The following CUX2 variants were observed in gnomAD, a reference collection of about 807,000 sequenced individuals.
CUX2 encodes cut like homeobox 2.
A neutral mutation model predicts 144.8 loss-of-function variants in CUX2; 40 were observed. That is an observed-to-expected ratio of 0.28 (90% confidence interval 0.21 to 0.36). CUX2 has a LOEUF of 0.36. Ranked by LOEUF, CUX2 falls within the 10% of genes least tolerant of loss-of-function variation. CUX2 has a pLI of 1.00. For missense variants in CUX2, 1,615 were observed against 1,994.0 expected, an observed-to-expected ratio of 0.81 and a Z score of 3.62; for synonymous variants, 827 against 875.6, an observed-to-expected ratio of 0.94 and a Z score of 0.98.
chr12:111,251,119 T>TA (rs887277481), intron 3 of CUX2, among the ~76,000 whole-genome samples: 11 of 152,126 alleles, frequency 7.2e-5, no homozygotes, highest in Non-Finnish European at 1.0e-4. Flanking sequence ...GATTTACTGC[T>TA]AAAAAAAGCC....
rs754093380 is a variant in CUX2, at chr12:111,304,168, G to A, written c.754-42G>A. The A allele has an allele frequency of 3.3e-6, 5 of 1,521,096 alleles. No homozygotes were observed. The highest frequency in any genetic ancestry group is 4.6e-5 in the East Asian group (2 of 43,932). 94.2% of individuals were successfully genotyped at this position (1,521,096 alleles called of 1,614,324 possible). A position where few individuals can be genotyped will look rare whatever the true frequency, so the allele number is the denominator to read the frequency against. ...AGTGCAGGGAGAAGGTGGAAGTGCAGAGTGGGCTCACCTCTCGCCCACACT... is the reference window on the plus strand; with the variant it reads ...AGTGCAGGGAGAAGGTGGAAGTGCAAAGTGGGCTCACCTCTCGCCCACACT... On this transcript the variant is annotated intron_variant, in intron 9 of 21. Coordinates refer to ENST00000261726, the MANE Select transcript of CUX2 (RefSeq NM_015267.4). The surrounding 1 kb of genome is among the most constrained non-coding windows in gnomAD (Gnocchi z 4.7).
rs555152602 is a variant in CUX2, at chr12:111,103,760, G to A, written c.63+69520G>A. On this transcript the variant is annotated intron_variant, in intron 1 of 21. Coordinates refer to ENST00000261726, the MANE Select transcript of CUX2 (RefSeq NM_015267.4). Reference sequence around the variant, plus strand: ...TTTATTGGCTCATGTGACCTGAAACGGTCAGGTGTCTGCCTTCAGGCATGG... The same window carrying A: ...TTTATTGGCTCATGTGACCTGAAACAGTCAGGTGTCTGCCTTCAGGCATGG... Among the ~76,000 whole-genome samples the A allele has an allele frequency of 6.6e-5, 10 of 152,240 alleles. No homozygotes were observed. The East Asian group carries it at 1.5e-3, about 24-fold the overall frequency.
chr12:111,270,849 A>G (rs1565883849), intron 4 of CUX2, among the ~76,000 whole-genome samples: 3 of 152,120 alleles, frequency 2.0e-5, no homozygotes, highest in Non-Finnish European at 4.4e-5. Flanking sequence ...GAAGGTGCTC[A>G]GTGCCCAGGC....
intron 1 of CUX2, among the ~76,000 whole-genome samples, chr12:111,097,323 A>C (rs1872879780): frequency 6.6e-6 from 1 of 152,032 alleles, no homozygotes; most frequent in African/African-American, 2.4e-5. Context: ...CCCATCTCCC[A>C]CTGCTTCCTG....
In CUX2 at chr12:111,295,698, G is replaced by A. The variant is rs1194532836; in HGVS notation, c.637+289G>A. On this transcript the variant is annotated intron_variant, in intron 7 of 21. Transcript: ENST00000261726. The surrounding 1 kb of genome is among the most constrained non-coding windows in gnomAD (Gnocchi z 5.0). ...TTTGGGAGGCTGAAGTGGGAGGGTC[G>A]CTTGAACCCCAGAGTTTGAGACCAG... Among the ~76,000 whole-genome samples, 14 of 151,916 alleles carry A rather than the reference G, an allele frequency of 9.2e-5. No individual in the cohort carries two copies. The highest frequency in any genetic ancestry group is 8.5e-4 in the Admixed American group (13 of 15,242).
intron 1 of CUX2, among the ~76,000 whole-genome samples, chr12:111,080,966 A>C (rs1871853400): frequency 6.6e-6 from 1 of 152,208 alleles, no homozygotes; most frequent in Admixed American, 6.5e-5. Flanking sequence ...TGATAGAGTT[A>C]TTGTGAAGTC....
At position 111,310,150 on chromosome 12, in the gene CUX2, TCCCAGCCCCGGGCAGCCCCTGCTGGGC is replaced by T; in HGVS notation, c.1375_1401del (p.Pro459_Ser467del). The stretch of plus-strand genomic sequence containing the variant: ...CACCAGGGCCAGAAGACCCCCTGTC[TCCCAGCCCCGGGCAGCCCCTGCTGGGC>T]CCCAGCTTGGGGCCTGACGGCACTC... On this transcript the variant is annotated inframe_deletion, in exon 15 of 22. Transcript: ENST00000261726. This position sits in a 1 kb window ranked among gnomAD's most constrained non-coding sequence, Gnocchi z 7.9. The T allele has an allele frequency of 6.5e-7, 1 of 1,543,584 alleles. No individual in the cohort carries two copies. The highest frequency in any genetic ancestry group is 8.7e-7 in the Non-Finnish European group (1 of 1,146,484).
chr12:111,312,115 G>C lies in CUX2; in HGVS notation c.1916G>C (p.Arg639Thr), dbSNP rs780971591. 1 of 1,610,756 alleles carries C rather than the reference G, an allele frequency of 6.2e-7. No individual in the cohort carries two copies. The highest frequency in any genetic ancestry group is 8.5e-7 in the Non-Finnish European group (1 of 1,177,446). ...QVRQRGSITP[R>T]IRTPETGSDD... ...GCCTCCCCAGGCAGCATCACCCCGA[G>C]AATCCGCACGCCTGAGACAGGCTCA... Residue 639 changes from arginine to threonine, a missense_variant, in exon 16 of 22, where the codon AGA (arginine) becomes ACA (threonine). This residue lies in a region of CUX2 where 71 missense variants were observed against 142.3 expected (regional missense o/e 0.50). Coordinates refer to ENST00000261726, the MANE Select transcript of CUX2 (RefSeq NM_015267.4). This position sits in a 1 kb window ranked among gnomAD's most constrained non-coding sequence, Gnocchi z 4.3.
chr12:111,329,058 C>G (rs189243055), intron 18 of CUX2, among the ~76,000 whole-genome samples: 2 of 142,828 alleles, frequency 1.4e-5, no homozygotes, highest in Non-Finnish European at 3.0e-5. Flanking sequence ...ATCTCTCTCC[C>G]CCTCTGTTTG....
At chr12:111,083,248 A>G (rs1161857590) in intron 1 of CUX2, among the ~76,000 whole-genome samples, 1 of 152,158 alleles carries the variant, frequency 6.6e-6, no homozygotes, top group Non-Finnish European at 1.5e-5. Flanking sequence ...GCAGGTGACC[A>G]TTGAGGTCAC....
intron 1 of CUX2, among the ~76,000 whole-genome samples, chr12:111,103,508 A>G (rs898871201): frequency 2.6e-5 from 4 of 152,206 alleles, no homozygotes; most frequent in African/African-American, 9.6e-5. Context: ...TCATTCATTC[A>G]TTCATTCAGT....
chr12:111,185,839 C>T lies in CUX2; in HGVS notation c.64-28361C>T, dbSNP rs567891090. On this transcript the variant is annotated intron_variant, in intron 1 of 21. Coordinates refer to ENST00000261726, the MANE Select transcript of CUX2 (RefSeq NM_015267.4). ...ACAGTACCTGCCTGTGTCAGCTCCA[C>T]GGTCCGAGGGGGCTGCCTGCAATGT... is the stretch of plus-strand genomic sequence containing the variant. Among the ~76,000 whole-genome samples, 240 of 152,230 alleles carry T rather than the reference C, an allele frequency of 1.6e-3. No homozygotes were observed. The Middle Eastern group carries it at 0.02, about 13-fold the overall frequency.
chr12:111,298,717 G>A (rs1370892868), intron 9 of CUX2, 128 bp downstream of exon 9: 3 of 1,030,786 alleles, frequency 2.9e-6, no homozygotes, highest in Middle Eastern at 2.0e-4. Flanking sequence ...TCTTGTGCAT[G>A]CCAAGTGAGG....
In CUX2 at chr12:111,312,419, G is replaced by T. The variant is rs1886952132; in HGVS notation, c.2002+218G>T. The stretch of plus-strand genomic sequence containing the variant: ...CTCTCAACATAAAATCTCAACCCTT[G>T]GCCAGGCGCAGTGGCTCATGCCTGT... On this transcript the variant is annotated intron_variant, in intron 16 of 21. Transcript: ENST00000261726. This position sits in a 1 kb window ranked among gnomAD's most constrained non-coding sequence, Gnocchi z 4.3. Among the ~76,000 whole-genome samples, 1 of 152,142 alleles carries T rather than the reference G, an allele frequency of 6.6e-6. No individual in the cohort carries two copies. Among genetic ancestry groups the T allele is most frequent in the Non-Finnish European group, 1.5e-5 (1 of 68,026 alleles).
intron 18 of CUX2, among the ~76,000 whole-genome samples, chr12:111,330,409 T>C (rs1170086456): frequency 6.6e-6 from 1 of 152,000 alleles, no homozygotes; most frequent in East Asian, 1.9e-4. Context: ...CCAGCTCAAG[T>C]CCTGACTTTG....
At chr12:111,258,814 T>C (rs1301485237) in intron 3 of CUX2, among the ~76,000 whole-genome samples, 6 of 152,110 alleles carry the variant, frequency 3.9e-5, no homozygotes, top group African/African-American at 1.2e-4. Context: ...GCCTCCTGAG[T>C]AGCTAGGACT....
At chr12:111,104,365 C>T (rs1873457103) in intron 1 of CUX2, among the ~76,000 whole-genome samples, 1 of 152,196 alleles carries the variant, frequency 6.6e-6, no homozygotes, top group Non-Finnish European at 1.5e-5. Flanking sequence ...CTCAGGATGG[C>T]TCATGGGAGG....
chr12:111,187,130 G>T (rs1879591130), intron 1 of CUX2, among the ~76,000 whole-genome samples: 1 of 152,226 alleles, frequency 6.6e-6, no homozygotes, highest in East Asian at 1.9e-4. Flanking sequence ...GAACTTGCCA[G>T]TGCAGAGCTG....
chr12:111,132,557 C>CTTTTTTTTTTTT (rs1182564665), intron 1 of CUX2, among the ~76,000 whole-genome samples: 3 of 97,170 alleles, frequency 3.1e-5, no homozygotes, highest in African/African-American at 1.5e-4. Flanking sequence ...GCTCTGTTTC[C>CTTTTTTTTTTTT]TTTTTTTTTT....
Sources: allele counts gnomAD v4.1 joint callset (sites outside exome capture counted in the v4.1 genomes callset), GRCh38; gene constraint gnomAD v4.1.1; regional missense constraint gnomAD v4.1.1; non-coding constraint Gnocchi (gnomAD v3.1); transcripts MANE v1.5; gene names NCBI Gene and HGNC (gene_info 2026-07-23, HGNC 2026-07-21).